FAM222B: variants seen among roughly 807,000 people sequenced by gnomAD.
The protein encoded by FAM222B is protein FAM222B.
In FAM222B, 12 loss-of-function variants were observed where a neutral mutation model predicts 38.0. That is an observed-to-expected ratio of 0.32 (90% confidence interval 0.20 to 0.51). The LOEUF is 0.51. FAM222B is among the 20% of genes least tolerant of loss of function. The probability of loss-of-function intolerance (pLI) is 0.97; values close to 1 mark genes in which losing one functional copy is unlikely to be tolerated. For missense variants in FAM222B, 716 were observed against 754.2 expected (o/e 0.95, Z 0.59); for synonymous variants, 329 against 317.2 (o/e 1.04, Z -0.40).
chr17:28,791,887 T>C (rs2036707600), intron 1 of FAM222B, among the ~76,000 whole-genome samples: 1 of 151,280 alleles, frequency 6.6e-6, no homozygotes, highest in Admixed American at 6.6e-5. Flanking sequence ...CTCCTACTCC[T>C]GACCTCAGGT....
intron 1 of FAM222B, among the ~76,000 whole-genome samples, chr17:28,819,836 G>C (rs1287693967): frequency 6.6e-6 from 1 of 152,180 alleles, no homozygotes; most frequent in Non-Finnish European, 1.5e-5. Context: ...AACTGTCTTT[G>C]CTGTGAAAGC....
chr17:28,846,460 T>C (rs902683940), upstream of FAM222B, among the ~76,000 whole-genome samples: 2 of 151,356 alleles, frequency 1.3e-5, no homozygotes, highest in Admixed American at 6.6e-5. Flanking sequence ...GTAGGCGGAG[T>C]TTGAGACCAA....
chr17:28,846,632 C>T (rs896660732), upstream of FAM222B, among the ~76,000 whole-genome samples: 3 of 151,872 alleles, frequency 2.0e-5, no homozygotes, highest in South Asian at 6.2e-4. Flanking sequence ...CCATTGCACT[C>T]CAGCCTAGGG....
At chr17:28,830,272 C>T (rs1250325267) in intron 1 of FAM222B, among the ~76,000 whole-genome samples, 3 of 151,378 alleles carry the variant, frequency 2.0e-5, no homozygotes, top group African/African-American at 7.3e-5. Context: ...CGCCATTCTC[C>T]TACCTCGGCC....
At chr17:28,831,871 A>G (rs904979859) in intron 1 of FAM222B, among the ~76,000 whole-genome samples, 1 of 152,052 alleles carries the variant, frequency 6.6e-6, no homozygotes, top group African/African-American at 2.4e-5. Flanking sequence ...AGTAGGGGTT[A>G]GCTTCCTAGA....
intron 1 of FAM222B, among the ~76,000 whole-genome samples, chr17:28,798,838 C>G (rs1173820585): frequency 6.6e-6 from 1 of 151,982 alleles, no homozygotes; most frequent in Non-Finnish European, 1.5e-5. Flanking sequence ...AGGATAGTCT[C>G]GATCTCCTGA....
chr17:28,804,610 A>C (rs1053918030), intron 1 of FAM222B, among the ~76,000 whole-genome samples: 1 of 152,094 alleles, frequency 6.6e-6, no homozygotes, highest in Non-Finnish European at 1.5e-5. Flanking sequence ...CTGGGATTAC[A>C]GGCATGAGCC....
rs1021458591 is a variant in FAM222B, at chr17:28,759,945, C to T, written c.83-69G>A. 5 of 1,407,406 alleles carry T rather than the reference C, an allele frequency of 3.6e-6. No homozygotes were observed. In the African/African-American group the frequency reaches 7.3e-5, roughly 20 times the overall value. 87.2% of individuals were successfully genotyped at this position (1,407,406 alleles called of 1,614,324 possible). Reference sequence around the variant, plus strand: ...CTCATCAGTGCCAAGGCAAACAGCCCTTCCAGATTCCCCTTTTGAGGGCCT... The same window carrying T: ...CTCATCAGTGCCAAGGCAAACAGCCTTTCCAGATTCCCCTTTTGAGGGCCT... On this transcript the variant is annotated intron_variant, in intron 2 of 2. Coordinates refer to ENST00000581407, the MANE Select transcript of FAM222B (RefSeq NM_001077498.3). This position sits in a 1 kb window ranked among gnomAD's most constrained non-coding sequence, Gnocchi z 4.8.
chr17:28,846,202 CA>C (rs35170639), upstream of FAM222B, among the ~76,000 whole-genome samples: 19 of 120,668 alleles, frequency 1.6e-4, no homozygotes, highest in Admixed American at 3.5e-4. Context: ...GACTCCATCT[CA>C]AAAAAAAAAA....
chr17:28,819,607 C>A (rs1199451917), intron 1 of FAM222B, among the ~76,000 whole-genome samples: 2 of 152,070 alleles, frequency 1.3e-5, no homozygotes, highest in African/African-American at 4.8e-5. Context: ...AATACCTAAT[C>A]TAGGAAGGAA....
chr17:28,826,681 C>CA (rs58793747), intron 1 of FAM222B, among the ~76,000 whole-genome samples: 1,748 of 84,766 alleles, frequency 0.021, 21 homozygotes, highest in African/African-American at 0.025. Context: ...AACTCCGTCT[C>CA]AAAAAAAAAA....
intron 1 of FAM222B, among the ~76,000 whole-genome samples, chr17:28,809,916 C>T (rs1273145788): frequency 6.6e-6 from 1 of 152,096 alleles, no homozygotes; most frequent in Non-Finnish European, 1.5e-5. Flanking sequence ...AAAAACCACC[C>T]AGATATCAAA....
intron 1 of FAM222B, among the ~76,000 whole-genome samples, chr17:28,835,311 A>G (rs1447544529): frequency 1.3e-5 from 2 of 152,118 alleles, no homozygotes; most frequent in Non-Finnish European, 2.9e-5. Flanking sequence ...CTGGGATTAC[A>G]GGTGTAAGCC....
chr17:28,779,493 T>C (rs528909018), intron 1 of FAM222B, among the ~76,000 whole-genome samples: 90 of 152,220 alleles, frequency 5.9e-4, no homozygotes, highest in African/African-American at 2.1e-3. Context: ...GGCTCAAGCC[T>C]GTAATCCCAG....
chr17:28,758,365 C>G lies in FAM222B; in HGVS notation c.1594G>C (p.Ala532Pro), dbSNP rs2034821217. The G allele has an allele frequency of 1.9e-6, 3 of 1,613,612 alleles. No individual in the cohort carries two copies. The highest frequency in any genetic ancestry group is 2.5e-6 in the Non-Finnish European group (3 of 1,179,758). The change falls in exon 3 of 3, where the codon GCC becomes CCC. Residue 532 changes from alanine to proline, a missense_variant. Physicochemically the swap from Ala to Pro is conservative, Grantham distance 27. Transcript: ENST00000581407. ...GCTCGGTGGGCCTTGCTCAGCATGG[C>G]CAGGCTCTGTTCTCGGAAGCAGGCC... ...QQACFREQSLAMLSKAHRAPG... is the reference protein window; with the variant it reads ...QQACFREQSLPMLSKAHRAPG...
chr17:28,826,559 T>C (rs2038447243), intron 1 of FAM222B, among the ~76,000 whole-genome samples: 1 of 151,554 alleles, frequency 6.6e-6, no homozygotes, highest in Admixed American at 6.6e-5. Context: ...TGCATGCTTG[T>C]AATCTGAGCT....
chr17:28,847,240 G>T (rs569845498), upstream of FAM222B, among the ~76,000 whole-genome samples: 3 of 151,290 alleles, frequency 2.0e-5, no homozygotes, highest in South Asian at 6.3e-4. Context: ...AAAAGAAAAA[G>T]AAAAAATCTA....
chr17:28,782,099 AG>A (rs2036190498), intron 1 of FAM222B, among the ~76,000 whole-genome samples: 1 of 152,150 alleles, frequency 6.6e-6, no homozygotes, highest in African/African-American at 2.4e-5. Flanking sequence ...CTGAGATGGT[AG>A]GATCACTTGA....
In FAM222B at chr17:28,826,458, A is replaced by G. The variant is rs560920507; in HGVS notation, c.-41+16224T>C. 2.6e-5 allele frequency among the ~76,000 whole-genome samples: 4 copies of G among 152,154 alleles called. No individual in the cohort carries two copies. In the South Asian group the frequency reaches 8.3e-4, roughly 32 times the overall value. On this transcript the variant is annotated intron_variant, in intron 1 of 2. Coordinates refer to ENST00000581407, the MANE Select transcript of FAM222B (RefSeq NM_001077498.3). ...CACTTTGGGAGGCCGAGGCCAGTGG[A>G]TCACCTAAGGTCAGGAGTTCATGAC...
Sources: gnomAD v4.1 joint callset for allele counts (sites outside exome capture counted in the v4.1 genomes callset) on GRCh38, gnomAD v4.1.1 for gene constraint, Gnocchi (gnomAD v3.1) non-coding constraint, MANE v1.5 for transcripts, NCBI Gene and HGNC (gene_info 2026-07-23, HGNC 2026-07-21) for gene names.